Variants in SAMHD1 observed in about 807,000 individuals in gnomAD.
SAMHD1 encodes the protein deoxynucleoside triphosphate triphosphohydrolase SAMHD1.
In SAMHD1, 54 loss-of-function variants were observed where a neutral mutation model predicts 79.6. The observed-to-expected ratio is 0.68, with a 90% CI of 0.55 to 0.85. SAMHD1 has a LOEUF of 0.85. Ranked by LOEUF, SAMHD1 falls within the 40% of genes least tolerant of loss-of-function variation. The probability of loss-of-function intolerance (pLI) is 0.00; values close to 1 mark genes in which losing one functional copy is unlikely to be tolerated. For synonymous variants in SAMHD1, 260 were observed against 264.1 expected (o/e 0.98, Z 0.15); for missense variants, 663 against 782.7 (o/e 0.85, Z 1.82).
chr20:36,934,980 A>G (rs780972766), intron 4 of SAMHD1, 49 bp downstream of exon 4: 28 of 1,577,488 alleles, frequency 1.8e-5, no homozygotes, highest in Non-Finnish European at 5.2e-6. Context: ...TTCATGAGAC[A>G]GAGAAAATAC....
intron 13 of SAMHD1, among the ~76,000 whole-genome samples, chr20:36,903,799 C>T (rs1376081388): frequency 6.6e-6 from 1 of 152,046 alleles, no homozygotes; most frequent in Non-Finnish European, 1.5e-5. Context: ...GATCCACCCA[C>T]CTCTGCCTCC....
At chr20:36,919,566 T>C in intron 6 of SAMHD1, 47 bp from the exon 7 acceptor site, 1 of 1,581,272 alleles carries the variant, frequency 6.3e-7, no homozygotes, top group Non-Finnish European at 8.7e-7. Flanking sequence ...TCTAGCCCAT[T>C]GGGAGCCCTG....
chr20:36,934,381 G>A (rs1043653668), intron 4 of SAMHD1, among the ~76,000 whole-genome samples: 16 of 150,956 alleles, frequency 1.1e-4, no homozygotes, highest in African/African-American at 7.3e-5. Context: ...AAAATTAGCC[G>A]GGTGTGGTGG....
chr20:36,943,865 G>T (rs2063664467), intron 2 of SAMHD1, among the ~76,000 whole-genome samples: 1 of 151,876 alleles, frequency 6.6e-6, no homozygotes, highest in African/African-American at 2.4e-5. Context: ...AGATCATGAG[G>T]TCGGGAGTTC....
intron 3 of SAMHD1, among the ~76,000 whole-genome samples, chr20:36,938,296 CTT>C (rs968998347): frequency 1.3e-4 from 20 of 152,248 alleles, no homozygotes; most frequent in African/African-American, 4.6e-4. Flanking sequence ...AATCCCAAAA[CTT>C]TGGAAGGCCG....
At chr20:36,933,775 G>A (rs1003442982) in intron 4 of SAMHD1, among the ~76,000 whole-genome samples, 5 of 152,162 alleles carry the variant, frequency 3.3e-5, no homozygotes, top group African/African-American at 9.6e-5. Flanking sequence ...GGCCGGGCAC[G>A]GTGGCTCATG....
At chr20:36,937,851 T>C (rs1035686648) in intron 3 of SAMHD1, among the ~76,000 whole-genome samples, 2 of 140,622 alleles carry the variant, frequency 1.4e-5, no homozygotes, top group Admixed American at 7.5e-5. Flanking sequence ...GGTTAAACAA[T>C]GTTGGTTTGT....
chr20:36,898,036 C>G lies in SAMHD1; in HGVS notation c.1609-77G>C, dbSNP rs546696771. ...TATCAGCTGGTCCCTAGGCTCCTAA[C>G]TATTCCTTTTTTTTTGAGACAAGAT... On this transcript the variant is annotated intron_variant, in intron 14 of 15. Transcript: ENST00000646673. The G allele has an allele frequency of 6.4e-6, 10 of 1,566,202 alleles. No individual in the cohort carries two copies. The African/African-American group carries it at 8.1e-5, about 13-fold the overall frequency.
rs6016781 is a variant in SAMHD1, at chr20:36,927,518, C to T, written c.626-266G>A. On this transcript the variant is annotated intron_variant, in intron 5 of 15. Coordinates refer to ENST00000646673, the MANE Select transcript of SAMHD1 (RefSeq NM_015474.4). The stretch of plus-strand genomic sequence containing the variant: ...TTTTAGTAGAGATGGAGTTTCTCTA[C>T]GTTGGTCAGGCTGGTCTCGAACTCC... 0.52 allele frequency among the ~76,000 whole-genome samples: 77,994 copies of T among 151,290 alleles called. 22,010 individuals carry two copies. Among genetic ancestry groups the T allele is most frequent in the African/African-American group, 0.75 (31,118 of 41,218 alleles).
intron 3 of SAMHD1, 120 bp from the exon 4 acceptor site, chr20:36,935,309 T>G (rs2063596226): frequency 2.5e-6 from 2 of 798,404 alleles, no homozygotes; most frequent in Non-Finnish European, 4.3e-6. Flanking sequence ...GTAAAAATAC[T>G]AACGGAAATG....
rs773101420 is a variant in SAMHD1 at position 36,904,252 on chromosome 20, G to A, written c.1411-3C>T. The A allele has an allele frequency of 1.3e-6, 2 of 1,599,360 alleles. No homozygotes were observed. Among genetic ancestry groups the A allele is most frequent in the East Asian group, 2.2e-5 (1 of 44,800 alleles). ...TTTGGAAGAGATTCATAGTCCTCCTGGAAAACACAAGACTCCCCATGTTAG... is the reference window on the plus strand; with the variant it reads ...TTTGGAAGAGATTCATAGTCCTCCTAGAAAACACAAGACTCCCCATGTTAG... On this transcript the variant is annotated splice_region_variant and splice_polypyrimidine_tract_variant and intron_variant, in intron 12 of 15. Transcript: ENST00000646673.
intron 4 of SAMHD1, among the ~76,000 whole-genome samples, chr20:36,934,021 G>T (rs1465701548): frequency 1.3e-5 from 2 of 151,424 alleles, no homozygotes; most frequent in East Asian, 4.0e-4. Flanking sequence ...ACTCCAGCCT[G>T]GGCGACGGAG....
At chr20:36,935,544 C>T in intron 3 of SAMHD1, 1 of 315,758 alleles carries the variant, frequency 3.2e-6, no homozygotes, top group Non-Finnish European at 6.0e-6. Flanking sequence ...CATCATGTAA[C>T]CCATATCACT....
intron 11 of SAMHD1, among the ~76,000 whole-genome samples, chr20:36,909,680 CAAAAAAAAAAAAA>C (rs56389967): frequency 1.7e-4 from 21 of 121,130 alleles, no homozygotes; most frequent in Non-Finnish European, 1.4e-4. Context: ...CACCCCCCTC[CAAAAAAAAAAAAA>C]AAAAAAAAAA....
chr20:36,926,660 G>A (rs1206941369), intron 6 of SAMHD1, among the ~76,000 whole-genome samples: 3 of 151,926 alleles, frequency 2.0e-5, no homozygotes, highest in African/African-American at 4.8e-5. Flanking sequence ...TTCTATTCCC[G>A]TTCCAGAAAT....
chr20:36,902,967 G>C (rs912380296), intron 13 of SAMHD1, among the ~76,000 whole-genome samples: 1 of 151,914 alleles, frequency 6.6e-6, no homozygotes, highest in Admixed American at 6.6e-5. Flanking sequence ...TCAACCTCCT[G>C]ACTTCAAGTG....
intron 9 of SAMHD1, 85 bp downstream of exon 9, chr20:36,916,637 A>G (rs2063477516): frequency 2.1e-6 from 2 of 943,326 alleles, no homozygotes; most frequent in African/African-American, 1.6e-5. Flanking sequence ...ACGATTTACC[A>G]ATTATTCCAA....
At chr20:36,931,015 T>C (rs2063565120) in intron 4 of SAMHD1, 140 bp from the exon 5 acceptor site, 9 of 692,224 alleles carry the variant, frequency 1.3e-5, no homozygotes, top group South Asian at 1.2e-4. Context: ...ATTTCAGAAC[T>C]AGGCAGGAAC....
chr20:36,905,349 T>C lies in SAMHD1; in HGVS notation c.1410+15A>G, dbSNP rs2063398488. The C allele has an allele frequency of 6.2e-7, 1 of 1,613,976 alleles. No individual in the cohort carries two copies. The highest frequency in any genetic ancestry group is 1.3e-5 in the African/African-American group (1 of 75,048). ...AGATAACCTTTCACTAATGGAAAGA[T>C]GCCTGATAACTCACCCTTTTAATCT... On this transcript the variant is annotated intron_variant, in intron 12 of 15. Transcript: ENST00000646673.
Sources: gnomAD v4.1 joint callset for allele counts (sites outside exome capture counted in the v4.1 genomes callset) on GRCh38, gnomAD v4.1.1 for gene constraint, MANE v1.5 for transcripts, NCBI Gene and HGNC (gene_info 2026-07-23, HGNC 2026-07-21) for gene names.